Variants in SLC24A2 observed in about 807,000 individuals in gnomAD.
SLC24A2 encodes the protein sodium/potassium/calcium exchanger 2.
A neutral mutation model predicts 62.0 loss-of-function variants in SLC24A2; 36 were observed. The observed-to-expected ratio is 0.58, with a 90% CI of 0.44 to 0.77. The LOEUF is 0.77. Among genes scored for constraint, SLC24A2 ranks in the 30% least tolerant of loss-of-function variants. The pLI is 0.00. For synonymous variants in SLC24A2, 358 were observed against 294.0 expected (o/e 1.22, Z -2.23); for missense variants, 846 against 817.9 (o/e 1.03, Z -0.42).
At chr9:19,735,347 T>C (rs1366991463) in intron 2 of SLC24A2, among the ~76,000 whole-genome samples, 1 of 151,864 alleles carries the variant, frequency 6.6e-6, no homozygotes, top group African/African-American at 2.4e-5. Flanking sequence ...CATTAAAAAG[T>C]CAGGAAACAA....
At chr9:20,148,873 T>C in the SLC24A2 span, among the ~76,000 whole-genome samples, 35 of 152,212 alleles carry the variant, frequency 2.3e-4, no homozygotes, top group African/African-American at 8.4e-4. Flanking sequence ...GCCAATTCTA[T>C]TTAAATGCTT....
chr9:20,150,895 A>G, the SLC24A2 span, among the ~76,000 whole-genome samples: 1 of 151,976 alleles, frequency 6.6e-6, no homozygotes, highest in Admixed American at 6.6e-5. Context: ...AAACATAAAC[A>G]AATGGTTATT....
At chr9:19,591,625 G>A (rs551982044) in intron 5 of SLC24A2, among the ~76,000 whole-genome samples, 6 of 152,100 alleles carry the variant, frequency 3.9e-5, no homozygotes, top group African/African-American at 1.4e-4. Flanking sequence ...GAATACAGAC[G>A]TGATGGCCAG....
At chr9:19,935,813 A>G in the SLC24A2 span, among the ~76,000 whole-genome samples, 1 of 152,234 alleles carries the variant, frequency 6.6e-6, no homozygotes, top group East Asian at 1.9e-4. Flanking sequence ...GTTCACTGAG[A>G]TAGACCTGTA....
At position 19,699,503 on chromosome 9, in the gene SLC24A2, ATAT is replaced by A. The variant is rs368011759; in HGVS notation, c.931-77207_931-77205del. ...ACTAAATTACGGTTACATTCATGCA[ATAT>A]TATGATACATGAGGCAGTTTCTTAA... On this transcript the variant is annotated intron_variant, in intron 2 of 10. Transcript: ENST00000341998. Among the ~76,000 whole-genome samples the A allele has an allele frequency of 1.2e-4, 18 of 152,360 alleles. No homozygotes were observed. In the South Asian group the frequency reaches 3.1e-3, roughly 26 times the overall value.
intron 2 of SLC24A2, among the ~76,000 whole-genome samples, chr9:19,688,749 T>C (rs1025960045): frequency 6.6e-6 from 1 of 152,124 alleles, no homozygotes; most frequent in African/African-American, 2.4e-5. Context: ...AAGTTTCTTA[T>C]GTGGCCCCAA....
the SLC24A2 span, among the ~76,000 whole-genome samples, chr9:20,156,016 C>T: frequency 6.6e-6 from 1 of 151,546 alleles, no homozygotes; most frequent in Non-Finnish European, 1.5e-5. Flanking sequence ...TTTATAAAAG[C>T]CTATTACTCT....
At chr9:19,765,967 C>A (rs1380284539) in intron 2 of SLC24A2, among the ~76,000 whole-genome samples, 1 of 152,126 alleles carries the variant, frequency 6.6e-6, no homozygotes, top group East Asian at 1.9e-4. Flanking sequence ...CACATAGTCC[C>A]ATATTTCTTG....
At chr9:19,552,198 G>C (rs1586944640) in intron 7 of SLC24A2, among the ~76,000 whole-genome samples, 2 of 152,134 alleles carry the variant, frequency 1.3e-5, no homozygotes, top group South Asian at 4.1e-4. Flanking sequence ...AGCTTGGTGT[G>C]CTGGCTCTGG....
chr9:19,917,166 T>C, the SLC24A2 span, among the ~76,000 whole-genome samples: 2 of 151,428 alleles, frequency 1.3e-5, no homozygotes, highest in South Asian at 4.1e-4. Context: ...CACAGACATT[T>C]ATCTCCCTCT....
At chr9:19,853,944 TC>T in the SLC24A2 span, among the ~76,000 whole-genome samples, 4 of 152,232 alleles carry the variant, frequency 2.6e-5, no homozygotes, top group African/African-American at 9.6e-5. Flanking sequence ...CTGGGCTTTT[TC>T]TTGTTGGTAG....
intron 6 of SLC24A2, among the ~76,000 whole-genome samples, chr9:19,573,788 A>G (rs551765855): frequency 1.8e-4 from 27 of 152,232 alleles, no homozygotes; most frequent in African/African-American, 6.3e-4. Context: ...GTGCCCTATC[A>G]GCTCCCATGA....
At chr9:20,083,054 C>T in the SLC24A2 span, among the ~76,000 whole-genome samples, 2 of 152,184 alleles carry the variant, frequency 1.3e-5, no homozygotes, top group African/African-American at 2.4e-5. Flanking sequence ...GTGCCGGGGT[C>T]ATTAAGCATA....
chr9:20,201,230 A>G, the SLC24A2 span, among the ~76,000 whole-genome samples: 1 of 152,198 alleles, frequency 6.6e-6, no homozygotes, highest in African/African-American at 2.4e-5. Context: ...CCCAAACTTC[A>G]TCCCATGGCT....
the SLC24A2 span, among the ~76,000 whole-genome samples, chr9:19,891,135 T>A: frequency 6.6e-6 from 1 of 152,190 alleles, no homozygotes; most frequent in Non-Finnish European, 1.5e-5. Context: ...TCTTACCTGG[T>A]TGGCCCATCT....
chr9:19,701,737 T>A (rs1820361595), intron 2 of SLC24A2, among the ~76,000 whole-genome samples: 1 of 152,202 alleles, frequency 6.6e-6, no homozygotes, highest in Admixed American at 6.5e-5. Flanking sequence ...CTTCTCTTTA[T>A]AATCAAAACC....
chr9:20,272,009 A>C, the SLC24A2 span, among the ~76,000 whole-genome samples: 6 of 152,206 alleles, frequency 3.9e-5, no homozygotes, highest in Admixed American at 2.0e-4. Flanking sequence ...TCACTTTTTC[A>C]CAAGAACTTG....
chr9:19,648,796 A>G (rs141355294), intron 2 of SLC24A2, among the ~76,000 whole-genome samples: 217 of 152,290 alleles, frequency 1.4e-3, no homozygotes, highest in South Asian at 1.7e-3. Context: ...AAAAGGGTCA[A>G]TCTGTATTCA....
the SLC24A2 span, among the ~76,000 whole-genome samples, chr9:20,053,530 C>T: frequency 6.6e-6 from 1 of 152,142 alleles, no homozygotes; most frequent in African/African-American, 2.4e-5. Flanking sequence ...CCTCCCCCAA[C>T]CCTGAAAATT....
Sources: allele counts gnomAD v4.1 joint callset (sites outside exome capture counted in the v4.1 genomes callset), GRCh38; gene constraint gnomAD v4.1.1; transcripts MANE v1.5; gene names NCBI Gene and HGNC (gene_info 2026-07-23, HGNC 2026-07-21).